The following CDH18 variants were observed in gnomAD, a reference collection of about 807,000 sequenced individuals.
The protein encoded by CDH18 is cadherin-18.
In CDH18, 31 loss-of-function variants were observed where a neutral mutation model predicts 67.9. That is an observed-to-expected ratio of 0.46 (90% confidence interval 0.34 to 0.62). The LOEUF (loss-of-function observed/expected upper bound fraction) is 0.62. Ranked by LOEUF, CDH18 falls within the 20% of genes least tolerant of loss-of-function variation. CDH18 has a pLI of 0.01. For synonymous variants in CDH18, 362 were observed against 347.2 expected (o/e 1.04, Z -0.48); for missense variants, 890 against 975.5 (o/e 0.91, Z 1.17).
intron 2 of CDH18, among the ~76,000 whole-genome samples, chr5:20,174,040 T>C (rs1264574105): frequency 6.6e-6 from 1 of 152,184 alleles, no homozygotes; most frequent in Non-Finnish European, 1.5e-5. Flanking sequence ...TAGAATTTAT[T>C]TTAAAAGTAG....
At chr5:20,475,744 G>T (rs1449854792) in intron 1 of CDH18, among the ~76,000 whole-genome samples, 1 of 152,038 alleles carries the variant, frequency 6.6e-6, no homozygotes, top group South Asian at 2.1e-4. Flanking sequence ...GTTTTCCCCT[G>T]TTCTAACACA....
chr5:20,178,908 C>T (rs758309205), intron 2 of CDH18, among the ~76,000 whole-genome samples: 51 of 152,050 alleles, frequency 3.4e-4, no homozygotes, highest in Admixed American at 5.9e-4. Context: ...TGAATGACTG[C>T]TTATGGACAC....
intron 10 of CDH18, among the ~76,000 whole-genome samples, chr5:19,519,662 A>T (rs1746579849): frequency 1.3e-5 from 2 of 152,168 alleles, no homozygotes; most frequent in African/African-American, 2.4e-5. Context: ...ACATTACATT[A>T]TATGAGGCTG....
At chr5:19,654,759 G>T (rs1223291108) in intron 5 of CDH18, among the ~76,000 whole-genome samples, 1 of 152,190 alleles carries the variant, frequency 6.6e-6, no homozygotes, top group Non-Finnish European at 1.5e-5. Flanking sequence ...AAAGGCGGGG[G>T]ATTTTATTCC....
At chr5:20,554,685 G>A (rs765801760) in intron 1 of CDH18, among the ~76,000 whole-genome samples, 3 of 152,108 alleles carry the variant, frequency 2.0e-5, no homozygotes, top group Non-Finnish European at 4.4e-5. Flanking sequence ...AGGGGGAATC[G>A]AATTCTTTTC....
intron 2 of CDH18, among the ~76,000 whole-genome samples, chr5:20,057,749 T>A (rs953317427): frequency 2.0e-5 from 3 of 152,176 alleles, no homozygotes; most frequent in Non-Finnish European, 2.9e-5. Flanking sequence ...AACCACTTTT[T>A]TTTCTAATTT....
chr5:20,348,456 C>G (rs1740890171), intron 1 of CDH18, among the ~76,000 whole-genome samples: 1 of 152,124 alleles, frequency 6.6e-6, no homozygotes, highest in African/African-American at 2.4e-5. Context: ...TTTTCCTTAT[C>G]AGTTTTGGTA....
At chr5:20,334,764 A>G (rs1352499823) in intron 1 of CDH18, among the ~76,000 whole-genome samples, 1 of 142,382 alleles carries the variant, frequency 7.0e-6, no homozygotes, top group African/African-American at 3.0e-5. Context: ...ACACACACAC[A>G]CACACACACA....
chr5:19,568,312 G>T (rs1421867998), intron 8 of CDH18, among the ~76,000 whole-genome samples: 2 of 152,152 alleles, frequency 1.3e-5, no homozygotes, highest in African/African-American at 2.4e-5. Context: ...ACTTCTGGAG[G>T]TGATTATGAG....
chr5:19,826,411 C>G (rs974756527), intron 3 of CDH18, among the ~76,000 whole-genome samples: 1 of 151,928 alleles, frequency 6.6e-6, no homozygotes, highest in African/African-American at 2.4e-5. Flanking sequence ...ATGACCATTC[C>G]CTAAGACACA....
At chr5:19,479,614 C>T (rs2126554261) in intron 12 of CDH18, among the ~76,000 whole-genome samples, 1 of 152,224 alleles carries the variant, frequency 6.6e-6, no homozygotes, top group African/African-American at 2.4e-5. Flanking sequence ...CCATCTTCTT[C>T]TCTTTGTCCA....
intron 2 of CDH18, among the ~76,000 whole-genome samples, chr5:20,163,275 A>G (rs983140523): frequency 1.3e-5 from 2 of 152,136 alleles, no homozygotes; most frequent in Admixed American, 6.5e-5. Context: ...ACTTAACAAT[A>G]TAAAATTAAT....
chr5:19,606,648 T>C (rs1043080517), intron 6 of CDH18, among the ~76,000 whole-genome samples: 1 of 151,844 alleles, frequency 6.6e-6, no homozygotes, highest in African/African-American at 2.4e-5. Flanking sequence ...TAGAAGACTG[T>C]AGAATAATAA....
intron 2 of CDH18, among the ~76,000 whole-genome samples, chr5:19,925,350 G>A (rs547438050): frequency 4.7e-4 from 72 of 152,236 alleles, no homozygotes; most frequent in Admixed American, 9.2e-4. Context: ...GGGTCTTCTG[G>A]TGTTATTCAA....
chr5:20,565,848 G>A (rs375222302), intron 1 of CDH18, among the ~76,000 whole-genome samples: 31 of 151,802 alleles, frequency 2.0e-4, no homozygotes, highest in African/African-American at 7.5e-4. Flanking sequence ...ATCCCTTAGT[G>A]CTATATTCAG....
intron 1 of CDH18, among the ~76,000 whole-genome samples, chr5:20,347,397 C>T (rs1740789167): frequency 6.6e-6 from 1 of 152,132 alleles, no homozygotes; most frequent in Non-Finnish European, 1.5e-5. Context: ...TTTCCCTAAA[C>T]CGCAATTAGG....
chr5:20,538,994 T>A (rs1756899561), intron 1 of CDH18, among the ~76,000 whole-genome samples: 1 of 139,402 alleles, frequency 7.2e-6, no homozygotes, highest in East Asian at 2.5e-4. Flanking sequence ...GTTCAAGCAA[T>A]TCTCTTGCGT....
chr5:20,482,448 C>A (rs1304799488), intron 1 of CDH18, among the ~76,000 whole-genome samples: 1 of 151,838 alleles, frequency 6.6e-6, no homozygotes, highest in Non-Finnish European at 1.5e-5. Context: ...CCAGTAATAC[C>A]CTGATACCAA....
intron 2 of CDH18, among the ~76,000 whole-genome samples, chr5:19,942,993 G>A (rs567116040): frequency 6.6e-6 from 1 of 152,164 alleles, no homozygotes; most frequent in East Asian, 1.9e-4. Context: ...GGTGACCCTC[G>A]TGCCTCATGA....
Sources: gnomAD v4.1 joint callset for allele counts (sites outside exome capture counted in the v4.1 genomes callset) on GRCh38, gnomAD v4.1.1 for gene constraint, MANE v1.5 for transcripts, NCBI Gene and HGNC (gene_info 2026-07-23, HGNC 2026-07-21) for gene names.